Variants in LINGO2 observed in about 807,000 individuals in gnomAD.
The protein encoded by LINGO2 is leucine rich repeat and Ig domain containing 2, also known as leucine-rich repeat and immunoglobulin-like domain-containing nogo receptor-interacting protein 2.
LINGO2 carries 14 observed loss-of-function variants against 30.6 expected under a neutral mutation model. That is an observed-to-expected ratio of 0.46 (90% CI 0.30 to 0.72). The LOEUF (loss-of-function observed/expected upper bound fraction) is 0.72. Among genes scored for constraint, LINGO2 ranks in the 30% least tolerant of loss-of-function variants. LINGO2 has a pLI of 0.07. For synonymous variants in LINGO2, 317 were observed against 288.5 expected (o/e 1.10, Z -1.00); for missense variants, 729 against 751.7 (o/e 0.97, Z 0.35).
chr9:28,299,149 T>A (rs547153983), intron 3 of LINGO2, among the ~76,000 whole-genome samples: 1 of 152,248 alleles, frequency 6.6e-6, no homozygotes, highest in Admixed American at 6.5e-5. Context: ...GGAGACATGT[T>A]GCATAACCCT....
At chr9:28,236,791 A>G (rs966224479) in intron 4 of LINGO2, among the ~76,000 whole-genome samples, 13 of 152,276 alleles carry the variant, frequency 8.5e-5, no homozygotes, top group African/African-American at 2.6e-4. Context: ...GTATAAAAAT[A>G]AAGACTGAAA....
At chr9:28,218,258 A>G (rs951214794) in intron 4 of LINGO2, among the ~76,000 whole-genome samples, 4 of 140,082 alleles carry the variant, frequency 2.9e-5, no homozygotes, top group African/African-American at 1.0e-4. Flanking sequence ...ACATGGAATT[A>G]AGAATTTAAT....
chr9:28,225,309 TTTA>T (rs1821109341), intron 4 of LINGO2, among the ~76,000 whole-genome samples: 1 of 152,182 alleles, frequency 6.6e-6, no homozygotes, highest in South Asian at 2.1e-4. Flanking sequence ...ATTACAGTGA[TTTA>T]TTATGTTCTT....
intron 1 of LINGO2, among the ~76,000 whole-genome samples, chr9:28,479,845 C>CTGTGTGTGTGTGTGTGTG (rs528584169): frequency 3.3e-5 from 2 of 60,144 alleles, no homozygotes; most frequent in East Asian, 4.4e-4. Context: ...ACCATGTCAT[C>CTGTGTGTGTGTGTGTGTG]TGTGTGTGTG....
chr9:29,114,672 C>T, the LINGO2 span, among the ~76,000 whole-genome samples: 7 of 149,822 alleles, frequency 4.7e-5, no homozygotes, highest in Non-Finnish European at 7.4e-5. Flanking sequence ...TTTGTCCTTG[C>T]GATAGTTTAC....
chr9:28,254,489 G>A (rs576984380), intron 4 of LINGO2, among the ~76,000 whole-genome samples: 6 of 152,028 alleles, frequency 3.9e-5, no homozygotes, highest in Non-Finnish European at 7.4e-5. Context: ...AGACACATAT[G>A]TATTTATTTC....
chr9:28,447,725 C>T (rs377700487), intron 2 of LINGO2, among the ~76,000 whole-genome samples: 11 of 152,232 alleles, frequency 7.2e-5, no homozygotes, highest in African/African-American at 2.6e-4. Flanking sequence ...AAATGCACAG[C>T]TAACATTGGA....
At chr9:28,952,842 A>G in the LINGO2 span, among the ~76,000 whole-genome samples, 3 of 152,294 alleles carry the variant, frequency 2.0e-5, no homozygotes, top group African/African-American at 4.8e-5. Flanking sequence ...CAAATAAAAT[A>G]ATACTTGTTT....
At chr9:29,155,248 G>A in the LINGO2 span, among the ~76,000 whole-genome samples, 1 of 151,958 alleles carries the variant, frequency 6.6e-6, no homozygotes, top group Non-Finnish European at 1.5e-5. Context: ...CTTATTCCTT[G>A]GAGCTAGGAA....
chr9:28,805,921 A>G, the LINGO2 span, among the ~76,000 whole-genome samples: 1 of 152,110 alleles, frequency 6.6e-6, no homozygotes, highest in Admixed American at 6.6e-5. Flanking sequence ...ATATTATTCT[A>G]TTTTTCTCAA....
chr9:28,259,892 A>C (rs1360437654), intron 4 of LINGO2, among the ~76,000 whole-genome samples: 2 of 151,940 alleles, frequency 1.3e-5, no homozygotes, highest in African/African-American at 4.8e-5. Flanking sequence ...AGCCTTGGTC[A>C]GTTGAGCCTC....
the LINGO2 span, among the ~76,000 whole-genome samples, chr9:28,844,674 A>G: frequency 6.6e-6 from 1 of 151,798 alleles, no homozygotes; most frequent in Non-Finnish European, 1.5e-5. Flanking sequence ...TCCCAATAGC[A>G]AAACTTCAAT....
the LINGO2 span, among the ~76,000 whole-genome samples, chr9:29,185,431 T>C: frequency 5.3e-5 from 8 of 152,200 alleles, no homozygotes; most frequent in Non-Finnish European, 2.9e-5. Context: ...ATGCCTATTA[T>C]TTCCAAAGAC....
At chr9:28,177,905 A>G (rs1312863785) in intron 4 of LINGO2, among the ~76,000 whole-genome samples, 1 of 152,228 alleles carries the variant, frequency 6.6e-6, no homozygotes, top group Non-Finnish European at 1.5e-5. Context: ...AATTTATTCT[A>G]CAGCCTATCA....
At chr9:28,360,911 A>T (rs145292110) in intron 3 of LINGO2, among the ~76,000 whole-genome samples, 114 of 152,296 alleles carry the variant, frequency 7.5e-4, no homozygotes, top group African/African-American at 2.6e-3. Flanking sequence ...CACAAAAAAC[A>T]ACTAGATTTA....
At chr9:28,084,332 G>T (rs1217811269) in intron 4 of LINGO2, among the ~76,000 whole-genome samples, 2 of 152,046 alleles carry the variant, frequency 1.3e-5, no homozygotes, top group Non-Finnish European at 2.9e-5. Context: ...TGCAGGTGCT[G>T]AGCTCTCACA....
the LINGO2 span, among the ~76,000 whole-genome samples, chr9:28,751,288 CAAAAA>C: frequency 1.2e-5 from 1 of 82,020 alleles, no homozygotes; most frequent in Non-Finnish European, 2.3e-5. Flanking sequence ...AAGATCCAGT[CAAAAA>C]AAAAAAAAAA....
chr9:28,369,926 T>C (rs1399405343), intron 3 of LINGO2, among the ~76,000 whole-genome samples: 1 of 152,186 alleles, frequency 6.6e-6, no homozygotes, highest in Non-Finnish European at 1.5e-5. Flanking sequence ...ACATTCTGCA[T>C]ATTTTGAAGG....
chr9:28,279,034 C>T lies in LINGO2; in HGVS notation c.-87+16174G>A, dbSNP rs114101973. Among the ~76,000 whole-genome samples the T allele has an allele frequency of 8.0e-3, 1,216 of 152,084 alleles. 22 individuals are homozygous for T. The highest frequency in any genetic ancestry group is 0.027 in the African/African-American group (1,105 of 41,470). ...GATGACTTTGAAAGGTTACAGGCTTCGGTAGAGAAAGTAACTACAAATGAG... is the reference window on the plus strand; with the variant it reads ...GATGACTTTGAAAGGTTACAGGCTTTGGTAGAGAAAGTAACTACAAATGAG... On this transcript the variant is annotated intron_variant, in intron 4 of 5. Coordinates refer to ENST00000379992, the Ensembl canonical transcript of LINGO2.
Sources: allele counts gnomAD v4.1 joint callset (sites outside exome capture counted in the v4.1 genomes callset), GRCh38; gene constraint gnomAD v4.1.1; transcripts MANE v1.5; gene names NCBI Gene and HGNC (gene_info 2026-07-23, HGNC 2026-07-21).